The following RUVBL1 variants were observed in gnomAD, a reference collection of about 807,000 sequenced individuals.
The protein encoded by RUVBL1 is ruvB-like 1.
In RUVBL1, 4 loss-of-function variants were observed where a neutral mutation model predicts 52.4. The observed-to-expected ratio is 0.08, with a 90% confidence interval of 0.04 to 0.17. RUVBL1 has a LOEUF of 0.17. Among genes scored for constraint, RUVBL1 ranks in the 10% least tolerant of loss-of-function variants. The pLI is 1.00. For missense variants in RUVBL1, 298 were observed against 572.8 expected, an observed-to-expected ratio of 0.52 and a Z score of 4.90; for synonymous variants, 217 against 214.4, an observed-to-expected ratio of 1.01 and a Z score of -0.10.
chr3:128,153,651 G>C lies in RUVBL1; in HGVS notation c.-488C>G, dbSNP rs148745324. ...CGCAGAGCCGCGAGCGCGGCATCACGCTCGATCTGGGCTTCTCGTGCTTCT... is the reference window on the plus strand; with the variant it reads ...CGCAGAGCCGCGAGCGCGGCATCACCCTCGATCTGGGCTTCTCGTGCTTCT... On this transcript the variant is annotated 5_prime_UTR_variant, in exon 1 of 10. Coordinates refer to the RUVBL1 transcript ENST00000464873. 78 of 1,598,440 alleles carry C rather than the reference G, an allele frequency of 4.9e-5. No individual in the cohort carries two copies. The South Asian group carries it at 7.6e-4, about 16-fold the overall frequency.
At chr3:128,103,444 G>T (rs1413230198) in intron 4 of RUVBL1, among the ~76,000 whole-genome samples, 2 of 152,290 alleles carry the variant, frequency 1.3e-5, no homozygotes, top group Admixed American at 1.3e-4. Flanking sequence ...TTAGGAAAAA[G>T]AAAAATGGCC....
intron 1 of RUVBL1, among the ~76,000 whole-genome samples, chr3:128,122,127 A>AAT (rs1183954662): frequency 9.9e-5 from 15 of 152,216 alleles, no homozygotes; most frequent in Admixed American, 1.3e-4. Context: ...ACTTGAGTTA[A>AAT]AATACTGGCT....
In RUVBL1 at chr3:128,104,764, T is replaced by A. The variant is rs748447920; in HGVS notation, c.513+9A>T. ...GTCAAGGGAAAAGAGGCCACATACA[T>A]GTACTCACTTTCAACTGTTTGGTTC... is the stretch of plus-strand genomic sequence containing the variant. On this transcript the variant is annotated intron_variant, in intron 4 of 10. Transcript: ENST00000322623. The A allele has an allele frequency of 1.2e-6, 2 of 1,600,060 alleles. No individual in the cohort carries two copies.
At chr3:128,065,108 C>T (rs988823014) in exon 10 of RUVBL1, 3 of 1,478,080 alleles carry the variant, frequency 2.0e-6, no homozygotes, top group Non-Finnish European at 1.9e-6. Context: ...TGTGTGCAGT[C>T]CCCCACTCTG....
At chr3:128,107,764 A>C (rs777918832) in intron 3 of RUVBL1, among the ~76,000 whole-genome samples, 1 of 152,260 alleles carries the variant, frequency 6.6e-6, no homozygotes, top group Non-Finnish European at 1.5e-5. Flanking sequence ...CAACACGAAT[A>C]TATCAGAACA....
intron 8 of RUVBL1, among the ~76,000 whole-genome samples, chr3:128,088,497 A>G (rs1942725388): frequency 2.7e-5 from 4 of 149,210 alleles, no homozygotes; most frequent in African/African-American, 7.3e-5. Context: ...ATTATGCCCT[A>G]TAGTATAATA....
intron 8 of RUVBL1, among the ~76,000 whole-genome samples, chr3:128,089,151 T>TTA (rs993093346): frequency 6.6e-6 from 1 of 152,256 alleles, no homozygotes; most frequent in Non-Finnish European, 1.5e-5. Context: ...ATGTATTCCC[T>TTA]TATATATATT....
chr3:128,088,491 T>C (rs1236073303), intron 8 of RUVBL1, among the ~76,000 whole-genome samples: 1 of 149,142 alleles, frequency 6.7e-6, no homozygotes, highest in Admixed American at 6.7e-5. Context: ...ATACTAATTA[T>C]GCCCTATAGT....
intron 1 of RUVBL1, among the ~76,000 whole-genome samples, chr3:128,137,682 T>C (rs765100339): frequency 6.6e-6 from 1 of 152,218 alleles, no homozygotes; most frequent in Non-Finnish European, 1.5e-5. Flanking sequence ...TCCAAACTTA[T>C]TTTATGAGGT....
At chr3:128,086,834 CTGG>C (rs1468199945) in intron 9 of RUVBL1, among the ~76,000 whole-genome samples, 4 of 152,274 alleles carry the variant, frequency 2.6e-5, no homozygotes, top group Non-Finnish European at 5.9e-5. Context: ...ACAGGGACAA[CTGG>C]GACTGTGGCC....
intron 1 of RUVBL1, among the ~76,000 whole-genome samples, chr3:128,142,502 C>T (rs866755913): frequency 3.3e-5 from 5 of 152,148 alleles, no homozygotes; most frequent in African/African-American, 7.2e-5. Flanking sequence ...TATTGGTTTC[C>T]TATTGCTGCC....
intron 7 of RUVBL1, 53 bp downstream of exon 7, chr3:128,098,829 A>G: frequency 6.7e-7 from 1 of 1,492,114 alleles, no homozygotes; most frequent in East Asian, 2.3e-5. Flanking sequence ...GCATCTCAGA[A>G]TGTGGGGCCC....
chr3:128,150,092 T>A (rs950376848), intron 1 of RUVBL1, among the ~76,000 whole-genome samples: 1 of 152,184 alleles, frequency 6.6e-6, no homozygotes, highest in Non-Finnish European at 1.5e-5. Flanking sequence ...TTCTCTTGCA[T>A]CTTTGTCAGC....
chr3:128,113,106 A>T, intron 2 of RUVBL1, 86 bp from the exon 3 acceptor site: 1 of 1,484,652 alleles, frequency 6.7e-7, no homozygotes, highest in Non-Finnish European at 9.1e-7. Flanking sequence ...ACCAGGAACT[A>T]GGAACAGCTG....
chr3:128,083,385 C>A (rs1315168803), intron 9 of RUVBL1: 1 of 152,250 alleles, frequency 6.6e-6, no homozygotes, highest in Non-Finnish European at 1.5e-5. Context: ...CATAAAAGCA[C>A]ACCCAGTGTA....
chr3:128,123,670 T>C lies in RUVBL1; in HGVS notation c.55A>G (p.Ser19Gly). 1 of 1,612,206 alleles carries C rather than the reference T, an allele frequency of 6.2e-7. No individual in the cohort carries two copies. Residue 19 changes from serine (S) to glycine (G), a missense_variant, in exon 1 of 11, where the codon AGC (serine) becomes GGC (glycine). This residue lies in a region of RUVBL1 where 71 missense variants were observed against 125.7 expected (regional missense o/e 0.57). Transcript: ENST00000322623. ...TTKTQRIASH[S>G]HVKGLGLDES... ...TCCAGCCCCAGCCCTTTCACGTGGCTGTGGGAGGCGATGCGCTGCGTCTTC... is the reference window on the plus strand; with the variant it reads ...TCCAGCCCCAGCCCTTTCACGTGGCCGTGGGAGGCGATGCGCTGCGTCTTC...
intron 9 of RUVBL1, chr3:128,069,353 T>C: frequency 4.4e-6 from 4 of 919,390 alleles, no homozygotes; most frequent in Non-Finnish European, 6.6e-6. Context: ...TAGATGACTT[T>C]CTAGGAGACA....
chr3:128,133,511 C>T (rs1323235955), intron 1 of RUVBL1, among the ~76,000 whole-genome samples: 1 of 151,988 alleles, frequency 6.6e-6, no homozygotes, highest in Admixed American at 6.6e-5. Flanking sequence ...GTGCTTGTAT[C>T]ATCCCTCCCC....
intron 6 of RUVBL1, among the ~76,000 whole-genome samples, chr3:128,099,452 G>A (rs528900045): frequency 1.3e-5 from 2 of 152,142 alleles, no homozygotes; most frequent in South Asian, 2.1e-4. Flanking sequence ...TAAGTATAAA[G>A]AGCAAGTATA....
Sources: allele counts gnomAD v4.1 joint callset (sites outside exome capture counted in the v4.1 genomes callset), GRCh38; gene constraint gnomAD v4.1.1; regional missense constraint gnomAD v4.1.1; transcripts MANE v1.5; gene names NCBI Gene and HGNC (gene_info 2026-07-23, HGNC 2026-07-21).